SLC9A3: variants seen among roughly 807,000 people sequenced by gnomAD.
The protein encoded by SLC9A3 is solute carrier family 9 member A3.
SLC9A3 carries 37 observed loss-of-function variants against 86.8 expected under a neutral mutation model. That is an observed-to-expected ratio of 0.43 (90% confidence interval 0.33 to 0.56). The LOEUF (loss-of-function observed/expected upper bound fraction) is 0.56. Ranked by LOEUF, SLC9A3 falls within the 20% of genes least tolerant of loss-of-function variation. The pLI is 0.06. For synonymous variants in SLC9A3, 581 were observed against 528.3 expected (o/e 1.10, Z -1.37); for missense variants, 1,011 against 1,171.9 (o/e 0.86, Z 2.00).
At chr5:477,720 A>G (rs1421339796) in intron 10 of SLC9A3, 1 of 407,234 alleles carries the variant, frequency 2.5e-6, no homozygotes, top group East Asian at 4.9e-5. Context: ...TCTGAGTGTG[A>G]AGGGGTAAAG....
At position 475,112 on chromosome 5, in the gene SLC9A3, A is replaced by G. The variant is rs1285866184; in HGVS notation, c.2272T>C (p.Ser758Pro). The G allele has an allele frequency of 6.2e-7, 1 of 1,602,634 alleles. No homozygotes were observed. The highest frequency in any genetic ancestry group is 1.7e-5 in the Admixed American group (1 of 59,088). Reference protein sequence around the residue: ...SPAGIDNPVFSPDEALDRSLL... With the variant: ...SPAGIDNPVFPPDEALDRSLL... ...CTGCGGTCCAGGGCCTCGTCCGGAG[A>G]AAACACAGGGTTGTCAATTCCTAGG... Residue 758 changes from serine to proline, a missense_variant, in exon 16 of 17, where the codon TCT (serine) becomes CCT (proline). By Grantham distance (74) the Ser-to-Pro change is moderately conservative (BLOSUM62 -1). Coordinates refer to ENST00000264938, the MANE Select transcript of SLC9A3 (RefSeq NM_004174.4).
At chr5:483,891 G>A (rs891046933) in intron 5 of SLC9A3, among the ~76,000 whole-genome samples, 2 of 152,286 alleles carry the variant, frequency 1.3e-5, no homozygotes, top group African/African-American at 2.4e-5. Context: ...CCAGCGGAGC[G>A]GGCGAGGTGA....
intron 1 of SLC9A3, among the ~76,000 whole-genome samples, chr5:502,908 G>A (rs916301207): frequency 1.3e-5 from 2 of 152,026 alleles, no homozygotes; most frequent in South Asian, 2.1e-4. Flanking sequence ...GCCGAAAGCC[G>A]CCGTAACGAC....
rs1291696984 is a variant in SLC9A3, at chr5:496,132, C to G, written c.212-4061G>C. 4.6e-5 allele frequency among the ~76,000 whole-genome samples: 7 copies of G among 152,248 alleles called. No individual in the cohort carries two copies. The highest frequency in any genetic ancestry group is 2.1e-4 in the South Asian group (1 of 4,834). On this transcript the variant is annotated intron_variant, in intron 1 of 16. Coordinates refer to ENST00000264938, the MANE Select transcript of SLC9A3 (RefSeq NM_004174.4). This position sits in a 1 kb window ranked among gnomAD's most constrained non-coding sequence, Gnocchi z 4.7. ...GTTACTGAGAAAATATACATATATACGCACAAACGCCGCATAGGTGGGAGG... is the reference window on the plus strand; with the variant it reads ...GTTACTGAGAAAATATACATATATAGGCACAAACGCCGCATAGGTGGGAGG...
intron 3 of SLC9A3, 104 bp downstream of exon 3, chr5:488,212 G>A: frequency 7.7e-7 from 1 of 1,306,188 alleles, no homozygotes; most frequent in South Asian, 1.3e-5. Context: ...GGAGTTTGAG[G>A]ACAGGGTTTC....
chr5:509,571 G>A (rs866211789), intron 1 of SLC9A3, among the ~76,000 whole-genome samples: 1 of 152,118 alleles, frequency 6.6e-6, no homozygotes, highest in Non-Finnish European at 1.5e-5. Context: ...TGGGCCGAAC[G>A]TGGAACCCTG....
chr5:488,603 C>A (rs1464861550), intron 2 of SLC9A3, 127 bp from the exon 3 acceptor site: 4 of 943,686 alleles, frequency 4.2e-6, no homozygotes, highest in Non-Finnish European at 4.6e-6. Flanking sequence ...GCGTGGGGAG[C>A]TGGGTCAGCT....
chr5:477,397 G>T lies in SLC9A3; in HGVS notation c.1695C>A (p.Asp565Glu). ...GCGTGAAGTCCACGTTGACCACGTT[G>T]TCGGTGCTGGGGGAGCGGATGAAGG... The part of the protein sequence containing the change: ...SLAFIRSPST[D>E]NVVNVDFTPR... The change falls in exon 11 of 17, where the codon GAC becomes GAA. Residue 565 changes from aspartate to glutamate, a missense_variant. Coordinates refer to ENST00000264938, the MANE Select transcript of SLC9A3 (RefSeq NM_004174.4). 1 of 1,613,268 alleles carries T rather than the reference G, an allele frequency of 6.2e-7. No homozygotes were observed. Among genetic ancestry groups the T allele is most frequent in the Middle Eastern group, 1.7e-4 (1 of 6,058 alleles).
intron 1 of SLC9A3, among the ~76,000 whole-genome samples, chr5:517,979 A>G (rs544512880): frequency 1.3e-5 from 2 of 151,984 alleles, no homozygotes; most frequent in African/African-American, 4.8e-5. Flanking sequence ...TCATCCATTC[A>G]TCCATTCATC....
At chr5:488,272 C>T in intron 3 of SLC9A3, 44 bp downstream of exon 3, 2 of 1,603,684 alleles carry the variant, frequency 1.2e-6, no homozygotes, top group Non-Finnish European at 1.7e-6. Flanking sequence ...GGGCCCAGGC[C>T]TCCCACGGCT....
At chr5:492,554 G>C (rs1405648185) in intron 1 of SLC9A3, among the ~76,000 whole-genome samples, 2 of 152,088 alleles carry the variant, frequency 1.3e-5, no homozygotes, top group Non-Finnish European at 2.9e-5. Context: ...AGAGGGCTGG[G>C]AACGAGGAGA....
chr5:485,999 G>A (rs1265215330), intron 3 of SLC9A3, among the ~76,000 whole-genome samples: 2 of 152,196 alleles, frequency 1.3e-5, no homozygotes, highest in Non-Finnish European at 2.9e-5. Flanking sequence ...CGGGGCACAC[G>A]GGGCTGTCAC....
rs777349327 is a variant in SLC9A3 at position 481,665 on chromosome 5, C to T, written c.1447-30G>A. 2.3e-5 allele frequency: 37 copies of T among 1,596,536 alleles called. No homozygotes were observed. The Admixed American group carries it at 2.3e-4, about 10-fold the overall frequency. On this transcript the variant is annotated intron_variant, in intron 8 of 16. Transcript: ENST00000264938. ...CAAGGGAAGAAAGACATGAGCGTCT[C>T]GGGGCGGCCAACCGGGGAACATGAG...
At position 473,010 on chromosome 5, in the gene SLC9A3, C is replaced by G; in HGVS notation, c.*369G>C. On this transcript the variant is annotated 3_prime_UTR_variant, in exon 17 of 17. Coordinates refer to ENST00000264938, the MANE Select transcript of SLC9A3 (RefSeq NM_004174.4). Reference sequence around the variant, plus strand: ...CTCCAGCGCGTGCGGCGGTGCGTGGCACGAGGGCGGCAGCGACGCCAGCTT... The same window carrying G: ...CTCCAGCGCGTGCGGCGGTGCGTGGGACGAGGGCGGCAGCGACGCCAGCTT... The G allele has an allele frequency of 2.2e-6, 1 of 450,816 alleles. No homozygotes were observed. Among genetic ancestry groups the G allele is most frequent in the South Asian group, 3.4e-5 (1 of 29,104 alleles). The allele number at this position is 450,816 out of a possible 1,614,324, so 27.9% of individuals were successfully genotyped here. A position where few individuals can be genotyped will look rare whatever the true frequency, so the allele number is the denominator to read the frequency against.
At position 492,132 on chromosome 5, in the gene SLC9A3, C is replaced by T. The variant is rs1254056668; in HGVS notation, c.212-61G>A. 2.8e-4 allele frequency: 52 copies of T among 186,432 alleles called. 2 individuals carry two copies. The South Asian group carries it at 4.1e-3, about 15-fold the overall frequency. The allele number at this position is 186,432 out of a possible 1,614,324, so 11.5% of individuals were successfully genotyped here. ...TGAGGGAGGGGAGGGAGGTCAGGGC[C>T]GGGCTGTGAGGGAGGGGAGGGAGGT... On this transcript the variant is annotated intron_variant, in intron 1 of 16. Coordinates refer to ENST00000264938, the MANE Select transcript of SLC9A3 (RefSeq NM_004174.4).
chr5:509,219 TG>T lies in SLC9A3; in HGVS notation c.211+14892del, dbSNP rs1414639028. Among the ~76,000 whole-genome samples the T allele has an allele frequency of 4.6e-5, 7 of 151,058 alleles. No homozygotes were observed. The East Asian group carries it at 7.8e-4, about 17-fold the overall frequency. ...TCCCACCACTTTGGGAGGCTAATGG[TG>T]GAGCGGATCACTTGAGGCCAGGAGT... On this transcript the variant is annotated intron_variant, in intron 1 of 16. Transcript: ENST00000264938.
rs1238848748 is a variant in SLC9A3 at position 497,071 on chromosome 5, A to C, written c.212-5000T>G. Among the ~76,000 whole-genome samples the C allele has an allele frequency of 6.6e-6, 1 of 151,940 alleles. No homozygotes were observed. The highest frequency in any genetic ancestry group is 2.4e-5 in the African/African-American group (1 of 41,334). On this transcript the variant is annotated intron_variant, in intron 1 of 16. Coordinates refer to ENST00000264938, the MANE Select transcript of SLC9A3 (RefSeq NM_004174.4). The surrounding 1 kb of genome is among the most constrained non-coding windows in gnomAD (Gnocchi z 5.4). ...GTCTCAAAAAAAAAATTTTTTTTTT[A>C]CTTGAATTTAACAGAGAAAATAGTT...
At chr5:482,951 G>A (rs1015668169) in intron 6 of SLC9A3, among the ~76,000 whole-genome samples, 5 of 151,440 alleles carry the variant, frequency 3.3e-5, no homozygotes, top group Admixed American at 1.3e-4. Flanking sequence ...CCCACGCTCC[G>A]TGCATCACAC....
At chr5:488,691 AAGAC>A (rs1218735099) in intron 2 of SLC9A3, among the ~76,000 whole-genome samples, 7 of 152,250 alleles carry the variant, frequency 4.6e-5, no homozygotes, top group African/African-American at 9.6e-5. Flanking sequence ...CCATCTGAGC[AAGAC>A]AGACAGACAG....
Sources: gnomAD v4.1 joint callset for allele counts (sites outside exome capture counted in the v4.1 genomes callset) on GRCh38, gnomAD v4.1.1 for gene constraint, Gnocchi (gnomAD v3.1) non-coding constraint, MANE v1.5 for transcripts, NCBI Gene and HGNC (gene_info 2026-07-23, HGNC 2026-07-21) for gene names.